Variants in TLE2 observed in about 807,000 individuals in gnomAD.
The protein encoded by TLE2 is transducin-like enhancer protein 2.
A neutral mutation model predicts 97.2 loss-of-function variants in TLE2; 74 were observed. The ratio of observed to expected loss-of-function variants is 0.76; its 90% confidence interval spans 0.63 to 0.92. TLE2 has a LOEUF of 0.92. Ranked by LOEUF, TLE2 falls within the 40% of genes least tolerant of loss-of-function variation. The pLI is 0.00. For synonymous variants in TLE2, 499 were observed against 432.1 expected, an observed-to-expected ratio of 1.15 and a Z score of -1.92; for missense variants, 1,038 against 1,008.7, an observed-to-expected ratio of 1.03 and a Z score of -0.39.
In TLE2 at chr19:3,009,692, G is replaced by A; in HGVS notation, c.1023C>T (p.Ser341=). The A allele has an allele frequency of 6.2e-7, 1 of 1,610,536 alleles. No homozygotes were observed. The highest frequency in any genetic ancestry group is 8.5e-7 in the Non-Finnish European group (1 of 1,178,644). Residue 341 remains serine (S), a synonymous_variant, in exon 13 of 20, where the codon AGC becomes AGT. Coordinates refer to ENST00000262953, the MANE Select transcript of TLE2 (RefSeq NM_003260.5). ...APSTDSVALR[S]PLTLSSPFTT... is the part of the protein sequence containing the mutation. ...TGAAGGGACTGGACAGAGTCAGGGG[G>A]CTCCTCAGGGCTGAGACGGAAGAGT...
chr19:3,028,845 G>A (rs760712882), intron 1 of TLE2, 36 bp downstream of exon 1: 1 of 1,611,644 alleles, frequency 6.2e-7, no homozygotes, highest in East Asian at 2.2e-5. Context: ...TGAGTTCCCG[G>A]ACACTGGGGG....
chr19:3,046,457 G>A (rs1363639180), upstream of TLE2, among the ~76,000 whole-genome samples: 1 of 152,166 alleles, frequency 6.6e-6, no homozygotes, highest in Non-Finnish European at 1.5e-5. Flanking sequence ...ATGGGGAAGG[G>A]GGATTCTGTA....
upstream of TLE2, among the ~76,000 whole-genome samples, chr19:3,047,360 C>T (rs2145244225): frequency 7.0e-6 from 1 of 143,116 alleles, no homozygotes; most frequent in Non-Finnish European, 1.5e-5. Context: ...CCCAGGACGC[C>T]TCCTGCCACC....
In TLE2 at chr19:3,019,494, CG is replaced by C; in HGVS notation, c.370-32del. The C allele has an allele frequency of 1.3e-6, 2 of 1,487,336 alleles. No individual in the cohort carries two copies. The highest frequency in any genetic ancestry group is 1.4e-5 in the African/African-American group (1 of 72,016). The allele number at this position is 1,487,336 out of a possible 1,614,324, so 92.1% of individuals were successfully genotyped here. A position where few individuals can be genotyped will look rare whatever the true frequency, so the allele number is the denominator to read the frequency against. On this transcript the variant is annotated intron_variant, in intron 6 of 19. Coordinates refer to ENST00000262953, the MANE Select transcript of TLE2 (RefSeq NM_003260.5). This position sits in a 1 kb window ranked among gnomAD's most constrained non-coding sequence, Gnocchi z 5.1. ...AGAAAGGAGGCAGGATGGGCCGGGG[CG>C]GGGGGCGGCAGGAGCCCAGCGGTCC...
At chr19:3,027,951 C>G in intron 3 of TLE2, 78 bp from the exon 4 acceptor site, 1 of 1,389,372 alleles carries the variant, frequency 7.2e-7, no homozygotes, top group Non-Finnish European at 1.0e-6. Context: ...CCAGGGTCTT[C>G]CAAGAGTCCC....
chr19:3,023,147 C>CG (rs1251915675), intron 5 of TLE2, among the ~76,000 whole-genome samples: 1 of 151,662 alleles, frequency 6.6e-6, no homozygotes, highest in African/African-American at 2.4e-5. Flanking sequence ...CTCCACCCCC[C>CG]GGGTTCAAGC....
upstream of TLE2, among the ~76,000 whole-genome samples, chr19:3,046,577 C>T (rs56156232): frequency 8.7e-3 from 1,318 of 151,450 alleles, 23 homozygotes; most frequent in African/African-American, 0.03. Context: ...AGACACCCCC[C>T]CACCCCCCAC....
At chr19:3,006,773 G>GTGTTTCTTATTTTTTGTTT in intron 14 of TLE2, 104 bp from the exon 15 acceptor site, 2 of 1,443,602 alleles carry the variant, frequency 1.4e-6, no homozygotes, top group Non-Finnish European at 1.8e-6. Flanking sequence ...ACCCTCTGAT[G>GTGTTTCTTATTTTTTGTTT]TGTTTTTTAT....
intron 7 of TLE2, among the ~76,000 whole-genome samples, chr19:3,018,816 C>G (rs970125316): frequency 1.3e-5 from 2 of 151,682 alleles, no homozygotes; most frequent in African/African-American, 4.8e-5. Flanking sequence ...TGGGGTTTTC[C>G]CATGTTGGCC....
At chr19:3,017,206 C>T (rs1186735261) in intron 8 of TLE2, among the ~76,000 whole-genome samples, 1 of 150,466 alleles carries the variant, frequency 6.6e-6, no homozygotes, top group East Asian at 1.9e-4. Flanking sequence ...GGTGCAATCT[C>T]GGCTCACTGC....
At chr19:3,046,755 A>G (rs1240403374), upstream of TLE2, among the ~76,000 whole-genome samples, 1 of 151,944 alleles carries the variant, frequency 6.6e-6, no homozygotes, top group Non-Finnish European at 1.5e-5. Flanking sequence ...GTGGGGTCGG[A>G]GAAGGGGAGA....
intron 5 of TLE2, 114 bp downstream of exon 5, chr19:3,024,906 G>A (rs2089913583): frequency 7.8e-6 from 7 of 900,300 alleles, no homozygotes; most frequent in Non-Finnish European, 1.0e-5. Flanking sequence ...GTCTCTATCC[G>A]TGCTGCAGGC....
chr19:3,044,258 C>T (rs1301429202), intron 1 of TLE2, among the ~76,000 whole-genome samples: 1 of 152,104 alleles, frequency 6.6e-6, no homozygotes, highest in Non-Finnish European at 1.5e-5. Context: ...CTCCAGCCTG[C>T]CCCCCTGGTG....
In TLE2 at chr19:3,006,649, G is replaced by A. The variant is rs766342846; in HGVS notation, c.1271C>T (p.Ser424Phe). Residue 424 changes from serine to phenylalanine, a missense_variant, in exon 15 of 20, where the codon TCT (serine) becomes TTT (phenylalanine). Physicochemically the swap from Ser to Phe is radical, Grantham distance 155. Coordinates refer to ENST00000262953, the MANE Select transcript of TLE2 (RefSeq NM_003260.5). ...GGKPAYSFHV[S>F]ADGQMQPVPF... ...AACCGGCTGCATCTGCCCGTCCGCAGACACGTGGAAGGAGTAGGCCCTGGA... is the reference window on the plus strand; with the variant it reads ...AACCGGCTGCATCTGCCCGTCCGCAAACACGTGGAAGGAGTAGGCCCTGGA... 1 of 1,606,566 alleles carries A rather than the reference G, an allele frequency of 6.2e-7. No homozygotes were observed. Among genetic ancestry groups the A allele is most frequent in the Non-Finnish European group, 8.5e-7 (1 of 1,176,084 alleles).
Position 3,015,721 on chromosome 19 carries a change from C to T in TLE2, c.610G>A (p.Glu204Lys), listed in dbSNP as rs984094764. ...PSPPESLVEE[E>K]RPSGPGGGGK... is the part of the protein sequence containing the mutation. ...CCACCACCAGGGCCACTCGGTCGCT[C>T]CTCCTCCACGAGACTCTCAGGGGGC... is the stretch of plus-strand genomic sequence containing the variant. The change falls in exon 9 of 20, where the codon GAG becomes AAG. Residue 204 changes from glutamate (E) to lysine (K), a missense_variant. Glu to Lys is a moderately conservative substitution (Grantham distance 56). Coordinates refer to ENST00000262953, the MANE Select transcript of TLE2 (RefSeq NM_003260.5). The T allele has an allele frequency of 3.1e-6, 5 of 1,611,270 alleles. No homozygotes were observed. The African/African-American group carries it at 6.7e-5, about 22-fold the overall frequency.
At chr19:3,025,681 A>C in intron 4 of TLE2, 1 of 755,100 alleles carries the variant, frequency 1.3e-6, no homozygotes, top group Non-Finnish European at 1.6e-6. Context: ...TGGGTGGGGA[A>C]GGGGGCGGGC....
upstream of TLE2, among the ~76,000 whole-genome samples, chr19:3,034,132 C>A (rs1168252897): frequency 2.0e-5 from 3 of 151,982 alleles, no homozygotes; most frequent in Non-Finnish European, 2.9e-5. Context: ...TTCCCACACA[C>A]ATCCCCCAGA....
upstream of TLE2, chr19:3,029,568 G>GGT (rs1200263471): frequency 4.0e-6 from 3 of 742,034 alleles, no homozygotes; most frequent in African/African-American, 1.9e-5. Context: ...CGGGGGGGGG[G>GGT]GCTTGCGGGG....
At chr19:2,998,237 A>AT (rs1396605311) in intron 19 of TLE2, among the ~76,000 whole-genome samples, 4 of 121,406 alleles carry the variant, frequency 3.3e-5, no homozygotes, top group African/African-American at 1.4e-4. Flanking sequence ...CGCCCGGCCA[A>AT]TGTGTGTGTG....
Sources: allele counts gnomAD v4.1 joint callset (sites outside exome capture counted in the v4.1 genomes callset), GRCh38; gene constraint gnomAD v4.1.1; non-coding constraint Gnocchi (gnomAD v3.1); transcripts MANE v1.5; gene names NCBI Gene and HGNC (gene_info 2026-07-23, HGNC 2026-07-21).